Variants in NLRP12 observed in about 807,000 individuals in gnomAD.
NLRP12 encodes NLR family pyrin domain containing 12.
In NLRP12, 108 loss-of-function variants were observed where a neutral mutation model predicts 91.2. The ratio of observed to expected loss-of-function variants is 1.18; its 90% CI spans 1.01 to 1.39. The LOEUF (loss-of-function observed/expected upper bound fraction) is 1.39, where lower values mean the gene tolerates loss of function less well. Among genes scored for constraint, NLRP12 ranks in the 40% most tolerant of loss-of-function variants. The pLI, the probability that NLRP12 is intolerant of heterozygous loss-of-function variation, is 0.00. For synonymous variants in NLRP12, 613 were observed against 566.7 expected, an observed-to-expected ratio of 1.08 and a Z score of -1.16; for missense variants, 1,530 against 1,352.7, an observed-to-expected ratio of 1.13 and a Z score of -2.06.
Position 53,821,034 on chromosome 19 carries a change from T to C in NLRP12, c.289+2852A>G, listed in dbSNP as rs1490285107. Among the ~76,000 whole-genome samples the C allele has an allele frequency of 1.8e-4, 13 of 70,872 alleles. No homozygotes were observed. The South Asian group carries it at 2.3e-3, about 13-fold the overall frequency. 46.5% of individuals were successfully genotyped at this position (70,872 alleles called of 152,430 possible). On this transcript the variant is annotated intron_variant, in intron 1 of 9. Transcript: ENST00000324134. The stretch of plus-strand genomic sequence containing the variant: ...CTGAGTATAAATCATATTTTTTCTT[T>C]TTTTTTTTTTTTTTTTTTTGAGACA...
intron 1 of NLRP12, among the ~76,000 whole-genome samples, chr19:53,817,498 G>A (rs1326690159): frequency 6.6e-6 from 1 of 151,958 alleles, no homozygotes; most frequent in Non-Finnish European, 1.5e-5. Context: ...CACTTTGGGA[G>A]GCCAAGGTGG....
chr19:53,824,041 C>T lies in NLRP12; in HGVS notation c.134G>A (p.Trp45Ter). ...GGGACCGGCCTTCTCCATGCTTCCC[C>T]AGGGGATCTTGCCTTCTCCCAGCTC... ...ATELGEGKIP[W>*]GSMEKAGPLE... The change falls in exon 1 of 10, where the codon TGG (tryptophan) becomes TAG (stop). Residue 45 changes from tryptophan to a stop codon, truncating the protein, a stop_gained. Coordinates refer to ENST00000324134, the MANE Select transcript of NLRP12 (RefSeq NM_144687.4). LOFTEE classifies it high-confidence loss of function. 6.2e-7 allele frequency: 1 copy of T among 1,614,178 alleles called. No homozygotes were observed.
In NLRP12 at chr19:53,819,473, GTGTGTGTGTGTA is replaced by G. The variant is rs1335133615; in HGVS notation, c.289+4401_289+4412del. Among the ~76,000 whole-genome samples, 25 of 87,564 alleles carry G rather than the reference GTGTGTGTGTGTA, an allele frequency of 2.9e-4. 1 individual carries two copies. The highest frequency in any genetic ancestry group is 6.5e-4 in the African/African-American group (14 of 21,702). 57.4% of individuals were successfully genotyped at this position (87,564 alleles called of 152,430 possible). On this transcript the variant is annotated intron_variant, in intron 1 of 9. Transcript: ENST00000324134. ...TATATATATATGTGTGTGTGTGTGT[GTGTGTGTGTGTA>G]TATACATATGTGTATATATATGTAT...
chr19:53,805,192 G>A, intron 5 of NLRP12, 88 bp downstream of exon 5: 1 of 1,381,660 alleles, frequency 7.2e-7, no homozygotes, highest in Non-Finnish European at 1.0e-6. Flanking sequence ...TTTAAAGGTG[G>A]AGATTTGGGG....
At chr19:53,814,855 G>A (rs968096792) in intron 2 of NLRP12, 53 bp downstream of exon 2, 3 of 1,456,056 alleles carry the variant, frequency 2.1e-6, no homozygotes, top group African/African-American at 1.4e-5. Context: ...CACTCCGTGG[G>A]GTCAGCTGCT....
chr19:53,803,585 G>GT (rs962227871), intron 6 of NLRP12: 1 of 347,158 alleles, frequency 2.9e-6, no homozygotes, highest in Non-Finnish European at 5.7e-6. Flanking sequence ...ATTCTACTTT[G>GT]TTTTTTGAGA....
intron 6 of NLRP12, chr19:53,803,692 G>C: frequency 2.3e-6 from 1 of 436,916 alleles, no homozygotes; most frequent in Middle Eastern, 7.4e-4. Context: ...TCCTGCCTCA[G>C]CCCCCTGAGT....
At chr19:53,800,977 G>T (rs1022083826) in intron 7 of NLRP12, among the ~76,000 whole-genome samples, 1 of 151,848 alleles carries the variant, frequency 6.6e-6, no homozygotes, top group African/African-American at 2.4e-5. Context: ...GGCAGATCAT[G>T]AGGTCAGTAG....
intron 1 of NLRP12, among the ~76,000 whole-genome samples, chr19:53,819,457 A>ATGTGTGTGTGTGTGTGTGTG (rs1208045764): frequency 4.3e-4 from 2 of 4,600 alleles, no homozygotes; most frequent in African/African-American, 1.6e-3. Context: ...ATATATATAT[A>ATGTGTGTGTGTGTGTGTGTG]TGTGTGTGTG....
intron 1 of NLRP12, among the ~76,000 whole-genome samples, chr19:53,823,341 TAATA>T (rs1346584566): frequency 7.3e-6 from 1 of 137,462 alleles, no homozygotes; most frequent in Non-Finnish European, 1.5e-5. Context: ...TATTTATATA[TAATA>T]TATACCATAT....
chr19:53,809,640 G>A lies in NLRP12; in HGVS notation c.2019C>T (p.Asp673=), dbSNP rs1373309969. 1.2e-6 allele frequency: 2 copies of A among 1,612,714 alleles called. No homozygotes were observed. Among genetic ancestry groups the A allele is most frequent in the Non-Finnish European group, 8.5e-7 (1 of 1,179,742 alleles). The change falls in exon 3 of 10, where the codon GAC becomes GAT. Residue 673 remains aspartate (D), a synonymous_variant. Coordinates refer to ENST00000324134, the MANE Select transcript of NLRP12 (RefSeq NM_144687.4). ...LHLYGATYSA[D]GEDRARCSAG... is the part of the protein sequence containing the mutation. Reference sequence around the variant, plus strand: ...CGGAGCACCTCGCGCGGTCTTCCCCGTCCGCGCTGTAGGTGGCGCCATACA... The same window carrying A: ...CGGAGCACCTCGCGCGGTCTTCCCCATCCGCGCTGTAGGTGGCGCCATACA...
chr19:53,821,775 G>A (rs1223045099), intron 1 of NLRP12, among the ~76,000 whole-genome samples: 3 of 152,112 alleles, frequency 2.0e-5, no homozygotes, highest in African/African-American at 7.2e-5. Flanking sequence ...TGGGGGAAGA[G>A]GAGTAAATAC....
chr19:53,823,108 CACACATATATAT>C (rs1277380052), intron 1 of NLRP12, among the ~76,000 whole-genome samples: 75 of 150,878 alleles, frequency 5.0e-4, no homozygotes, highest in Non-Finnish European at 7.8e-4. Context: ...CACATATACA[CACACATATATAT>C]ACACATATAT....
rs1158419664 is a variant in NLRP12 at position 53,821,031 on chromosome 19, C to CTTT, written c.289+2852_289+2854dup. ...TGCCTGAGTATAAATCATATTTTTT[C>CTTT]TTTTTTTTTTTTTTTTTTTTTTGAG... On this transcript the variant is annotated intron_variant, in intron 1 of 9. Transcript: ENST00000324134. Among the ~76,000 whole-genome samples the CTTT allele has an allele frequency of 2.1e-3, 174 of 81,274 alleles. 6 individuals carry two copies. Among genetic ancestry groups the CTTT allele is most frequent in the African/African-American group, 6.6e-3 (114 of 17,324 alleles). The allele number at this position is 81,274 out of a possible 152,430, so 53.3% of individuals were successfully genotyped here.
intron 3 of NLRP12, chr19:53,807,932 T>C (rs11669101): frequency 0.58 from 248,454 of 426,506 alleles, 76,854 homozygotes; most frequent in Non-Finnish European, 0.66. Context: ...GTATTTTTAG[T>C]AGAGATGGGG....
At chr19:53,824,382 C>G (rs145224394), upstream of NLRP12, 502 of 588,582 alleles carry the variant, frequency 8.5e-4, no homozygotes, top group African/African-American at 8.1e-3. Context: ...CCTGCCCTGC[C>G]CCACTCACCA....
At chr19:53,807,929 T>C in intron 3 of NLRP12, 1 of 443,198 alleles carries the variant, frequency 2.3e-6, no homozygotes, top group African/African-American at 2.0e-5. Flanking sequence ...TTTGTATTTT[T>C]AGTAGAGATG....
At chr19:53,799,074 G>A (rs1194938800) in intron 7 of NLRP12, among the ~76,000 whole-genome samples, 11 of 144,294 alleles carry the variant, frequency 7.6e-5, no homozygotes, top group African/African-American at 1.6e-4. Context: ...GTGCAGTGGC[G>A]TGATCTTGGC....
chr19:53,805,505 G>A (rs978390868), intron 4 of NLRP12, 55 bp from the exon 5 acceptor site: 97 of 1,556,030 alleles, frequency 6.2e-5, no homozygotes, highest in Non-Finnish European at 8.2e-5. Flanking sequence ...CCAGTTTTGT[G>A]GATTATTTTC....
Sources: allele counts gnomAD v4.1 joint callset (sites outside exome capture counted in the v4.1 genomes callset), GRCh38; gene constraint gnomAD v4.1.1; transcripts MANE v1.5; gene names NCBI Gene and HGNC (gene_info 2026-07-23, HGNC 2026-07-21).